ARHGAP15: variants seen among roughly 807,000 people sequenced by gnomAD.
ARHGAP15 encodes rho GTPase-activating protein 15.
Under a neutral mutation model 63.7 loss-of-function variants are expected in ARHGAP15, and 51 were observed. The ratio of observed to expected loss-of-function variants is 0.80; its 90% CI spans 0.64 to 1.01. ARHGAP15 has a LOEUF of 1.01. Ranked by LOEUF, ARHGAP15 falls within the 50% of genes least tolerant of loss-of-function variation. The pLI is 0.00. For missense variants in ARHGAP15, 560 were observed against 564.6 expected (o/e 0.99, Z 0.08); for synonymous variants, 191 against 193.8 (o/e 0.99, Z 0.12).
At chr2:143,241,556 A>T (rs1420848893) in intron 5 of ARHGAP15, among the ~76,000 whole-genome samples, 3 of 152,192 alleles carry the variant, frequency 2.0e-5, no homozygotes, top group African/African-American at 7.2e-5. Flanking sequence ...TGTGCCTAGA[A>T]GTCTTTTCGC....
At chr2:143,508,238 A>G (rs1693411068) in intron 9 of ARHGAP15, among the ~76,000 whole-genome samples, 1 of 152,084 alleles carries the variant, frequency 6.6e-6, no homozygotes, top group Non-Finnish European at 1.5e-5. Flanking sequence ...GGCTTACACC[A>G]GCAGCTTTAT....
At chr2:143,202,959 A>G (rs77049407) in intron 3 of ARHGAP15, among the ~76,000 whole-genome samples, 1,746 of 152,240 alleles carry the variant, frequency 0.011, 38 homozygotes, top group South Asian at 0.1. Flanking sequence ...CCTTTCTGAT[A>G]TGTTCTGATA....
At chr2:143,318,891 G>A (rs1054212446) in intron 6 of ARHGAP15, among the ~76,000 whole-genome samples, 13 of 152,042 alleles carry the variant, frequency 8.6e-5, no homozygotes, top group Non-Finnish European at 1.9e-4. Flanking sequence ...ACTAAATAAT[G>A]ACTTTTTAAA....
chr2:143,188,480 C>T (rs927246791), intron 2 of ARHGAP15, among the ~76,000 whole-genome samples: 4 of 151,852 alleles, frequency 2.6e-5, no homozygotes, highest in African/African-American at 9.7e-5. Context: ...AAAATTTCCT[C>T]CCATTGTTCT....
At chr2:143,405,106 C>G (rs1420781968) in intron 6 of ARHGAP15, among the ~76,000 whole-genome samples, 1 of 151,712 alleles carries the variant, frequency 6.6e-6, no homozygotes, top group Non-Finnish European at 1.5e-5. Flanking sequence ...CAGAGTTAAC[C>G]CTTGCTAAAT....
intron 6 of ARHGAP15, among the ~76,000 whole-genome samples, chr2:143,385,522 T>C (rs955353103): frequency 1.3e-5 from 2 of 152,096 alleles, no homozygotes; most frequent in Non-Finnish European, 1.5e-5. Flanking sequence ...TTCACCAAAG[T>C]TCATACCAAC....
intron 6 of ARHGAP15, among the ~76,000 whole-genome samples, chr2:143,429,771 A>G (rs1689301419): frequency 6.6e-6 from 1 of 152,178 alleles, no homozygotes; most frequent in South Asian, 2.1e-4. Context: ...GAGTAATTAT[A>G]ACATAAGGTT....
chr2:143,153,864 C>CTCCTCT (rs1247841626), intron 1 of ARHGAP15, among the ~76,000 whole-genome samples: 2 of 82,244 alleles, frequency 2.4e-5, no homozygotes, highest in Non-Finnish European at 2.9e-5. Flanking sequence ...CCTCCTCCTC[C>CTCCTCT]TCCTCCTCTT....
At chr2:143,676,706 T>C (rs1682842337) in intron 12 of ARHGAP15, 1 of 152,028 alleles carries the variant, frequency 6.6e-6, no homozygotes, top group African/African-American at 2.4e-5. Flanking sequence ...AACAGTAACA[T>C]CCAAGATCAC....
intron 10 of ARHGAP15, among the ~76,000 whole-genome samples, chr2:143,547,568 TAA>T (rs10552945): frequency 0.75 from 113,748 of 150,842 alleles, 42,872 homozygotes; most frequent in East Asian, 0.79. Context: ...TCTCCAATTA[TAA>T]AAAAAAAAAA....
At chr2:143,496,816 C>A (rs1692836889) in intron 9 of ARHGAP15, among the ~76,000 whole-genome samples, 1 of 152,160 alleles carries the variant, frequency 6.6e-6, no homozygotes, top group South Asian at 2.1e-4. Context: ...ATGAATAAAA[C>A]CCAGTTGATT....
At chr2:143,366,228 C>T (rs2105346859) in intron 6 of ARHGAP15, among the ~76,000 whole-genome samples, 1 of 152,130 alleles carries the variant, frequency 6.6e-6, no homozygotes, top group Non-Finnish European at 1.5e-5. Flanking sequence ...AGTAACAGAT[C>T]CTGTATCTAC....
At chr2:143,133,259 C>T (rs745821448) in intron 1 of ARHGAP15, among the ~76,000 whole-genome samples, 29 of 152,106 alleles carry the variant, frequency 1.9e-4, no homozygotes, top group Non-Finnish European at 3.4e-4. Flanking sequence ...AAAAACACGG[C>T]GTGTCAGAGA....
intron 6 of ARHGAP15, among the ~76,000 whole-genome samples, chr2:143,287,999 A>G (rs1047116024): frequency 2.0e-5 from 3 of 152,188 alleles, no homozygotes; most frequent in Non-Finnish European, 4.4e-5. Context: ...TTGAAAAGTT[A>G]TCTCCTCAAG....
At position 143,129,459 on chromosome 2, in the gene ARHGAP15, G is replaced by C. The variant is rs906135783; in HGVS notation, c.-22G>C. On this transcript the variant is annotated 5_prime_UTR_variant, in exon 1 of 14. Transcript: ENST00000295095. The stretch of plus-strand genomic sequence containing the variant: ...GCAGTTTCAATAACAGGTCATTGCC[G>C]AGAAAAGGTAAGTTTTAACTTTATA... 1 of 152,154 alleles carries C rather than the reference G, an allele frequency of 6.6e-6. No homozygotes were observed. The highest frequency in any genetic ancestry group is 1.5e-5 in the Non-Finnish European group (1 of 68,030). The allele number at this position is 152,154 out of a possible 1,614,324, so 9.4% of individuals were successfully genotyped here.
chr2:143,635,149 T>A (rs1285258158), intron 12 of ARHGAP15, among the ~76,000 whole-genome samples: 5 of 151,508 alleles, frequency 3.3e-5, no homozygotes, highest in African/African-American at 9.7e-5. Flanking sequence ...AGACTTTTTA[T>A]TTTTTAATTA....
Position 143,559,837 on chromosome 2 carries a change from G to A in ARHGAP15, c.1003+3352G>A, listed in dbSNP as rs555688578. Among the ~76,000 whole-genome samples the A allele has an allele frequency of 6.6e-5, 10 of 152,328 alleles. No homozygotes were observed. The South Asian group carries it at 2.1e-3, about 32-fold the overall frequency. On this transcript the variant is annotated intron_variant, in intron 11 of 13. Transcript: ENST00000295095. ...GAAAAGCATAAAGTGCTATGTAAAG[G>A]CAGTGCATCATTTTTGCAGTCTAAG...
intron 12 of ARHGAP15, 100 bp downstream of exon 12, chr2:143,624,367 A>G: frequency 7.6e-7 from 1 of 1,320,498 alleles, no homozygotes; most frequent in South Asian, 1.8e-5. Context: ...CATGGGGAAC[A>G]GATAGTATCC....
At chr2:143,336,769 A>T (rs1002634361) in intron 6 of ARHGAP15, among the ~76,000 whole-genome samples, 5 of 152,190 alleles carry the variant, frequency 3.3e-5, no homozygotes, top group Admixed American at 2.0e-4. Context: ...TTAGTCAGAC[A>T]TGCTAACTGG....
Sources: allele counts gnomAD v4.1 joint callset (sites outside exome capture counted in the v4.1 genomes callset), GRCh38; gene constraint gnomAD v4.1.1; transcripts MANE v1.5; gene names NCBI Gene and HGNC (gene_info 2026-07-23, HGNC 2026-07-21).